KIAA1958: variants seen among roughly 807,000 people sequenced by gnomAD.
KIAA1958 encodes KIAA1958, also known as uncharacterized protein KIAA1958.
KIAA1958 carries 14 observed loss-of-function variants against 47.2 expected under a neutral mutation model. That is an observed-to-expected ratio of 0.30 (90% CI 0.20 to 0.46). The LOEUF (loss-of-function observed/expected upper bound fraction) is 0.46, where lower values mean the gene tolerates loss of function less well. Ranked by LOEUF, KIAA1958 falls within the 20% of genes least tolerant of loss-of-function variation. The probability of loss-of-function intolerance (pLI) is 1.00; values close to 1 mark genes in which losing one functional copy is unlikely to be tolerated. For synonymous variants in KIAA1958, 354 were observed against 353.3 expected, an observed-to-expected ratio of 1.00 and a Z score of -0.02; for missense variants, 803 against 909.2, an observed-to-expected ratio of 0.88 and a Z score of 1.50.
intron 1 of KIAA1958, among the ~76,000 whole-genome samples, chr9:112,506,418 T>A (rs1834235962): frequency 6.6e-6 from 1 of 152,214 alleles, no homozygotes; most frequent in African/African-American, 2.4e-5. Flanking sequence ...ATCACGCCAC[T>A]ACACTCTAGC....
chr9:112,501,445 G>GA (rs986175868), intron 1 of KIAA1958, among the ~76,000 whole-genome samples: 37 of 151,672 alleles, frequency 2.4e-4, no homozygotes, highest in South Asian at 2.3e-3. Context: ...CCTGTCTCTT[G>GA]AAAAAAAACA....
intron 1 of KIAA1958, among the ~76,000 whole-genome samples, chr9:112,557,955 A>C (rs1165652140): frequency 1.3e-5 from 2 of 152,158 alleles, no homozygotes; most frequent in Admixed American, 1.3e-4. Context: ...GGCTGGGCGC[A>C]GTGGCTCATG....
rs1361482795 is a variant in KIAA1958 at position 112,615,097 on chromosome 9, T to TA, written c.1172-30547dup. On this transcript the variant is annotated intron_variant, in intron 2 of 3. Transcript: ENST00000337530. ...ATATGTTTCAATCAATTTACTTTTG[T>TA]AAAAAAGGAGTAGTGAATATTTTAT... is the stretch of plus-strand genomic sequence containing the variant. 1.1e-4 allele frequency among the ~76,000 whole-genome samples: 17 copies of TA among 152,174 alleles called. 2 individuals are homozygous for TA. Among genetic ancestry groups the TA allele is most frequent in the African/African-American group, 4.1e-4 (17 of 41,514 alleles).
At chr9:112,616,200 C>A (rs1836405897) in intron 2 of KIAA1958, among the ~76,000 whole-genome samples, 1 of 152,136 alleles carries the variant, frequency 6.6e-6, no homozygotes, top group Non-Finnish European at 1.5e-5. Flanking sequence ...AATAGCATGA[C>A]TAAAAGTTAA....
chr9:112,657,192 A>G (rs1467130828), intron 3 of KIAA1958, among the ~76,000 whole-genome samples: 1 of 151,856 alleles, frequency 6.6e-6, no homozygotes, highest in African/African-American at 2.4e-5. Context: ...GCCTCAAGCG[A>G]TTCTCCTGCC....
In KIAA1958 at chr9:112,645,743, A is replaced by G; in HGVS notation, c.1265A>G (p.Lys422Arg). 6.2e-7 allele frequency: 1 copy of G among 1,614,096 alleles called. No homozygotes were observed. Among genetic ancestry groups the G allele is most frequent in the South Asian group, 1.1e-5 (1 of 91,062 alleles). Residue 422 changes from lysine to arginine, a missense_variant, in exon 3 of 4, where the codon AAA (lysine) becomes AGA (arginine). This residue lies in a region of KIAA1958 where 761 missense variants were observed against 829.3 expected (regional missense o/e 0.92). Transcript: ENST00000337530. ...CTSAVSPNTTKATRYALNVWR... is the reference protein window; with the variant it reads ...CTSAVSPNTTRATRYALNVWR... Reference sequence around the variant, plus strand: ...AGTGCAGTAAGCCCAAATACTACCAAAGCCACGCGGTACGCCTTGAATGTG... The same window carrying G: ...AGTGCAGTAAGCCCAAATACTACCAGAGCCACGCGGTACGCCTTGAATGTG...
At chr9:112,637,802 T>A (rs1222629483) in intron 2 of KIAA1958, among the ~76,000 whole-genome samples, 3 of 152,220 alleles carry the variant, frequency 2.0e-5, no homozygotes, top group African/African-American at 7.2e-5. Context: ...ATCAGTCTGA[T>A]GTTGTGCTGT....
intron 2 of KIAA1958, among the ~76,000 whole-genome samples, chr9:112,620,790 T>TA (rs949438335): frequency 1.1e-4 from 16 of 146,908 alleles, no homozygotes; most frequent in Non-Finnish European, 2.1e-4. Flanking sequence ...TTACTAATCT[T>TA]AAAAAAAAAG....
intron 1 of KIAA1958, among the ~76,000 whole-genome samples, chr9:112,564,234 A>T (rs189915027): frequency 1.3e-5 from 2 of 152,268 alleles, no homozygotes; most frequent in Admixed American, 1.3e-4. Context: ...TGAATATTTG[A>T]TAGAATTTAC....
At chr9:112,551,750 GTTA>G (rs1156686790) in intron 1 of KIAA1958, among the ~76,000 whole-genome samples, 2 of 152,200 alleles carry the variant, frequency 1.3e-5, no homozygotes, top group Non-Finnish European at 2.9e-5. Flanking sequence ...TTCTTAGAGA[GTTA>G]ATTCATTCTC....
At chr9:112,545,825 GTTT>G (rs768489084) in intron 1 of KIAA1958, among the ~76,000 whole-genome samples, 30 of 93,060 alleles carry the variant, frequency 3.2e-4, no homozygotes, top group African/African-American at 1.1e-3. Flanking sequence ...AGGTTTCTTT[GTTT>G]TTTTTTTTTT....
chr9:112,504,872 G>C (rs964302055), intron 1 of KIAA1958, among the ~76,000 whole-genome samples: 1 of 152,122 alleles, frequency 6.6e-6, no homozygotes, highest in Non-Finnish European at 1.5e-5. Flanking sequence ...TTGTTAACAT[G>C]TGTATAATGC....
At chr9:112,615,858 G>T (rs751141480) in intron 2 of KIAA1958, among the ~76,000 whole-genome samples, 4 of 152,336 alleles carry the variant, frequency 2.6e-5, no homozygotes, top group Middle Eastern at 3.4e-3. Flanking sequence ...GTAGGTTTGG[G>T]ATGGCAACAT....
chr9:112,591,315 A>G (rs572996581), intron 2 of KIAA1958, among the ~76,000 whole-genome samples: 10 of 151,996 alleles, frequency 6.6e-5, no homozygotes, highest in Admixed American at 3.9e-4. Context: ...CGATCTCCTG[A>G]CCTCATGATC....
chr9:112,613,634 A>C (rs1240190814), intron 2 of KIAA1958, among the ~76,000 whole-genome samples: 1 of 152,214 alleles, frequency 6.6e-6, no homozygotes. Flanking sequence ...CAAACAGAAA[A>C]AAGCAGACAA....
intron 1 of KIAA1958, among the ~76,000 whole-genome samples, chr9:112,570,558 C>T (rs186139901): frequency 3.7e-4 from 56 of 152,294 alleles, no homozygotes; most frequent in Non-Finnish European, 5.4e-4. Flanking sequence ...TTTTATCTTT[C>T]ACCATTTAGT....
intron 1 of KIAA1958, among the ~76,000 whole-genome samples, chr9:112,511,772 A>T (rs184717435): frequency 1.3e-5 from 2 of 152,238 alleles, no homozygotes; most frequent in African/African-American, 4.8e-5. Context: ...AAAAATAGAA[A>T]TATCTAGCCA....
intron 1 of KIAA1958, among the ~76,000 whole-genome samples, chr9:112,556,933 C>T (rs535967455): frequency 6.6e-6 from 1 of 152,246 alleles, no homozygotes; most frequent in East Asian, 1.9e-4. Flanking sequence ...TTTCAGATCA[C>T]AGTATTCATG....
chr9:112,560,201 T>C (rs1421419252), intron 1 of KIAA1958, among the ~76,000 whole-genome samples: 1 of 122,008 alleles, frequency 8.2e-6, no homozygotes, highest in Admixed American at 8.5e-5. Context: ...TCTTTTTCTT[T>C]TTTTTTCTTT....
Sources: gnomAD v4.1 joint callset for allele counts (sites outside exome capture counted in the v4.1 genomes callset) on GRCh38, gnomAD v4.1.1 for gene constraint, gnomAD v4.1.1 regional missense constraint, MANE v1.5 for transcripts, NCBI Gene and HGNC (gene_info 2026-07-23, HGNC 2026-07-21) for gene names.